The following MMD2 variants were observed in gnomAD, a reference collection of about 807,000 sequenced individuals.
MMD2 encodes the protein monocyte to macrophage differentiation associated 2, also known as monocyte to macrophage differentiation factor 2.
MMD2 carries 30 observed loss-of-function variants against 33.5 expected under a neutral mutation model. That is an observed-to-expected ratio of 0.90 (90% CI 0.67 to 1.22). MMD2 has a LOEUF of 1.22. MMD2 is among the 50% of genes most tolerant of loss of function. The pLI is 0.00. For synonymous variants in MMD2, 129 were observed against 123.0 expected, an observed-to-expected ratio of 1.05 and a Z score of -0.32; for missense variants, 364 against 325.4, an observed-to-expected ratio of 1.12 and a Z score of -0.91.
intron 1 of MMD2, among the ~76,000 whole-genome samples, chr7:4,935,687 A>G (rs1333077696): frequency 6.6e-6 from 1 of 150,654 alleles, no homozygotes; most frequent in Admixed American, 6.7e-5. Flanking sequence ...CAAAAAAAAA[A>G]AAAAAAAAAA....
chr7:4,914,054 T>C (rs528008567), intron 4 of MMD2, among the ~76,000 whole-genome samples: 86 of 152,276 alleles, frequency 5.6e-4, no homozygotes, highest in African/African-American at 1.8e-3. Flanking sequence ...GGCACAATCA[T>C]AGCTCACTGC....
intron 3 of MMD2, among the ~76,000 whole-genome samples, chr7:4,919,554 TGA>T (rs1280830170): frequency 6.6e-6 from 1 of 151,890 alleles, no homozygotes; most frequent in Non-Finnish European, 1.5e-5. Context: ...GGCAACAGAT[TGA>T]GACTCTTTCT....
At chr7:4,908,543 A>G (rs937452817) in intron 6 of MMD2, among the ~76,000 whole-genome samples, 4 of 152,204 alleles carry the variant, frequency 2.6e-5, no homozygotes, top group Admixed American at 1.3e-4. Flanking sequence ...TCATAGCAGT[A>G]TAATCACAAC....
chr7:4,916,030 A>C lies in MMD2; in HGVS notation c.340T>G (p.Phe114Val). ...HMFDRMVIYF[F>V]IAASYAPWLN... is the part of the protein sequence containing the mutation. ...CAGGGTGCGTAGGAAGCCGCTATGAAGAAATAGATGACCATCCGGTCGAAC... is the reference window on the plus strand; with the variant it reads ...CAGGGTGCGTAGGAAGCCGCTATGACGAAATAGATGACCATCCGGTCGAAC... The change falls in exon 4 of 7, where the codon TTC becomes GTC. Residue 114 changes from phenylalanine (F) to valine (V), a missense_variant. Transcript: ENST00000401401. 1.9e-6 allele frequency: 3 copies of C among 1,613,958 alleles called. No individual in the cohort carries two copies. Among genetic ancestry groups the C allele is most frequent in the Non-Finnish European group, 2.5e-6 (3 of 1,179,884 alleles).
chr7:4,926,684 A>AC (rs2115114858), intron 1 of MMD2, among the ~76,000 whole-genome samples: 1 of 152,226 alleles, frequency 6.6e-6, no homozygotes, highest in South Asian at 2.1e-4. Flanking sequence ...CTTTTGCTTA[A>AC]CGTGATTTTT....
At chr7:4,920,134 C>G (rs1191487318) in intron 3 of MMD2, 37 bp downstream of exon 3, 1 of 1,546,776 alleles carries the variant, frequency 6.5e-7, no homozygotes, top group African/African-American at 1.4e-5. Flanking sequence ...TGCCCCGACC[C>G]CCTACCCGGC....
intron 1 of MMD2, among the ~76,000 whole-genome samples, chr7:4,928,914 C>G (rs957953013): frequency 6.6e-6 from 1 of 152,092 alleles, no homozygotes; most frequent in Non-Finnish European, 1.5e-5. Context: ...CTTCTGTGTG[C>G]TGGCTCCACG....
At chr7:4,920,061 T>G in intron 3 of MMD2, 110 bp downstream of exon 3, 1 of 1,276,292 alleles carries the variant, frequency 7.8e-7, no homozygotes, top group Non-Finnish European at 1.1e-6. Flanking sequence ...CCCAGCTCAG[T>G]GGAGAATGTC....
chr7:4,920,104 C>G (rs930851513), intron 3 of MMD2, 67 bp downstream of exon 3: 4 of 1,503,010 alleles, frequency 2.7e-6, no homozygotes, highest in East Asian at 2.5e-5. Context: ...GTTCACCCCC[C>G]GGGCTGCCAT....
intron 1 of MMD2, among the ~76,000 whole-genome samples, chr7:4,956,217 G>A (rs868620503): frequency 3.9e-5 from 6 of 151,948 alleles, no homozygotes; most frequent in African/African-American, 7.3e-5. Flanking sequence ...GAGCCTAGGT[G>A]CTCAAGACCA....
chr7:4,949,355 A>G (rs1478403863), intron 1 of MMD2, among the ~76,000 whole-genome samples: 1 of 152,004 alleles, frequency 6.6e-6, no homozygotes, highest in Non-Finnish European at 1.5e-5. Context: ...AGCCTCTGGT[A>G]ACCATCCTTC....
At chr7:4,947,265 G>A (rs930682852) in intron 1 of MMD2, among the ~76,000 whole-genome samples, 1 of 152,108 alleles carries the variant, frequency 6.6e-6, no homozygotes, top group Admixed American at 6.6e-5. Flanking sequence ...TCTGCAGGCT[G>A]TACAGGAAGC....
chr7:4,902,512 A>G (rs370414451), downstream of MMD2, among the ~76,000 whole-genome samples: 641 of 152,264 alleles, frequency 4.2e-3, 4 homozygotes, highest in African/African-American at 0.014. Flanking sequence ...GTCTGTGTGA[A>G]TCGGTGAAGA....
chr7:4,936,805 G>A (rs1034457182), intron 1 of MMD2, among the ~76,000 whole-genome samples: 5 of 151,950 alleles, frequency 3.3e-5, no homozygotes, highest in African/African-American at 1.2e-4. Context: ...CGCGATCTCA[G>A]CTCAGTGCAA....
chr7:4,897,201 T>G, the MMD2 span, among the ~76,000 whole-genome samples: 1 of 124,908 alleles, frequency 8.0e-6, no homozygotes, highest in African/African-American at 3.1e-5. Context: ...ATCACTTTTA[T>G]AAAAAGAATT....
chr7:4,927,460 G>T (rs1411426469), intron 1 of MMD2, among the ~76,000 whole-genome samples: 1 of 151,978 alleles, frequency 6.6e-6, no homozygotes, highest in African/African-American at 2.4e-5. Context: ...CAGAAGAATC[G>T]CTTGAGGGAG....
chr7:4,912,503 A>G (rs909157962), intron 4 of MMD2, among the ~76,000 whole-genome samples: 1 of 151,098 alleles, frequency 6.6e-6, no homozygotes, highest in Non-Finnish European at 1.5e-5. Flanking sequence ...CAGAGCTTGT[A>G]GTGAGCCAAG....
intron 1 of MMD2, among the ~76,000 whole-genome samples, chr7:4,944,916 C>T (rs1409553194): frequency 3.3e-5 from 5 of 151,270 alleles, no homozygotes; most frequent in African/African-American, 1.2e-4. Context: ...TACAGGCGCC[C>T]GCCACCATGC....
chr7:4,908,712 C>G (rs550826090), intron 6 of MMD2, among the ~76,000 whole-genome samples: 1 of 151,660 alleles, frequency 6.6e-6, no homozygotes, highest in Non-Finnish European at 1.5e-5. Flanking sequence ...GCCTGGCCAA[C>G]ATAGTGAAAC....
Sources: allele counts gnomAD v4.1 joint callset (sites outside exome capture counted in the v4.1 genomes callset), GRCh38; gene constraint gnomAD v4.1.1; transcripts MANE v1.5; gene names NCBI Gene and HGNC (gene_info 2026-07-23, HGNC 2026-07-21).